The following MATCAP2 variants were observed in gnomAD, a reference collection of about 807,000 sequenced individuals.
The protein encoded by MATCAP2 is microtubule associated tyrosine carboxypeptidase 2, also known as putative tyrosine carboxypeptidase MATCAP2.
chr7:36,378,785 C>T, the MATCAP2 span, among the ~76,000 whole-genome samples: 1 of 152,202 alleles, frequency 6.6e-6, no homozygotes, highest in African/African-American at 2.4e-5. Flanking sequence ...GCTTTGTTTA[C>T]CTACTCAAGA....
At chr7:36,370,512 C>CT in the MATCAP2 span, among the ~76,000 whole-genome samples, 10 of 151,882 alleles carry the variant, frequency 6.6e-5, no homozygotes, top group East Asian at 3.8e-4. Context: ...GAGTTTCGCT[C>CT]TTTTTTTTGC....
the MATCAP2 span, among the ~76,000 whole-genome samples, chr7:36,361,075 T>C: frequency 1.3e-5 from 2 of 152,312 alleles, no homozygotes; most frequent in South Asian, 4.1e-4. Context: ...ATAATATTTG[T>C]ACATTAAAAT....
the MATCAP2 span, chr7:36,390,078 C>A: frequency 2.5e-6 from 4 of 1,612,952 alleles, no homozygotes; most frequent in Non-Finnish European, 3.4e-6. Context: ...CAGCCATGAC[C>A]CACCGCTCTA....
the MATCAP2 span, among the ~76,000 whole-genome samples, chr7:36,342,495 C>T: frequency 6.6e-5 from 10 of 152,142 alleles, no homozygotes; most frequent in Admixed American, 3.3e-4. Flanking sequence ...GGAGCCTGGA[C>T]CAGGAAGCTT....
chr7:36,360,402 C>T, the MATCAP2 span, among the ~76,000 whole-genome samples: 1 of 152,116 alleles, frequency 6.6e-6, no homozygotes, highest in Non-Finnish European at 1.5e-5. Context: ...AACCTCTCTC[C>T]CCAGGAATTA....
the MATCAP2 span, among the ~76,000 whole-genome samples, chr7:36,367,534 A>G: frequency 1.3e-5 from 2 of 152,202 alleles, no homozygotes; most frequent in African/African-American, 4.8e-5. Flanking sequence ...TAGCAAAGCC[A>G]GTCTACCCGT....
At chr7:36,367,332 G>A in the MATCAP2 span, 1 of 1,001,052 alleles carries the variant, frequency 1.0e-6, no homozygotes, top group Non-Finnish European at 1.2e-6. Context: ...GCGAGAGAGA[G>A]TGGGAGGAAC....
chr7:36,349,275 A>G, the MATCAP2 span, among the ~76,000 whole-genome samples: 5 of 152,234 alleles, frequency 3.3e-5, no homozygotes, highest in African/African-American at 7.2e-5. Flanking sequence ...TTTGCCAACA[A>G]TCCAGTTTTC....
At chr7:36,329,617 C>A in the MATCAP2 span, among the ~76,000 whole-genome samples, 2 of 152,016 alleles carry the variant, frequency 1.3e-5, no homozygotes, top group Non-Finnish European at 2.9e-5. Flanking sequence ...TAAAGTAAGT[C>A]CAATTAAGTC....
the MATCAP2 span, among the ~76,000 whole-genome samples, chr7:36,387,029 C>T: frequency 6.6e-6 from 1 of 151,968 alleles, no homozygotes; most frequent in South Asian, 2.1e-4. Flanking sequence ...ACATAAATTA[C>T]AAGTATATTT....
chr7:36,354,949 C>G, the MATCAP2 span, among the ~76,000 whole-genome samples: 1 of 152,158 alleles, frequency 6.6e-6, no homozygotes, highest in African/African-American at 2.4e-5. Context: ...CCAGAGAAAT[C>G]AAAGAGCATT....
chr7:36,389,792 C>T, the MATCAP2 span: 1 of 729,172 alleles, frequency 1.4e-6, no homozygotes, highest in African/African-American at 1.8e-5. Flanking sequence ...GGAGAGGGCG[C>T]CCCGGCTCCG....
At chr7:36,364,678 A>C in the MATCAP2 span, among the ~76,000 whole-genome samples, 6 of 152,334 alleles carry the variant, frequency 3.9e-5, no homozygotes, top group East Asian at 9.6e-4. Context: ...CATCTCAGAT[A>C]TCAATGAATC....
chr7:36,389,741 C>T, the MATCAP2 span: 4 of 384,686 alleles, frequency 1.0e-5, no homozygotes, highest in South Asian at 2.4e-4. Context: ...CCCTGGGAAC[C>T]ACCCGGCCCG....
chr7:36,335,105 G>A, the MATCAP2 span: 3 of 1,613,894 alleles, frequency 1.9e-6, no homozygotes, highest in South Asian at 3.3e-5. Flanking sequence ...CACATTGATA[G>A]TCAGAGTCGG....
At chr7:36,361,356 C>G in the MATCAP2 span, among the ~76,000 whole-genome samples, 2 of 152,178 alleles carry the variant, frequency 1.3e-5, no homozygotes, top group Non-Finnish European at 2.9e-5. Context: ...ATCAGGAGGT[C>G]TCTGGCTGAA....
At chr7:36,382,554 G>A in the MATCAP2 span, among the ~76,000 whole-genome samples, 6 of 151,738 alleles carry the variant, frequency 4.0e-5, no homozygotes, top group African/African-American at 7.3e-5. Context: ...GTGCAGTGGC[G>A]TGATCTCGGC....
the MATCAP2 span, among the ~76,000 whole-genome samples, chr7:36,337,124 A>AAAAAAAAAAAAAAAAAAAG: frequency 6.9e-6 from 1 of 145,212 alleles, no homozygotes; most frequent in Non-Finnish European, 1.5e-5. Flanking sequence ...AAAAAAAAAA[A>AAAAAAAAAAAAAAAAAAAG]AGCAATCAGT....
the MATCAP2 span, chr7:36,366,681 G>A: frequency 6.5e-7 from 1 of 1,533,490 alleles, no homozygotes; most frequent in African/African-American, 1.4e-5. Context: ...TCTTTTCCAC[G>A]AGATTCCACA....
Sources: allele counts gnomAD v4.1 joint callset (sites outside exome capture counted in the v4.1 genomes callset), GRCh38; gene constraint gnomAD v4.1.1; transcripts MANE v1.5; gene names NCBI Gene and HGNC (gene_info 2026-07-23, HGNC 2026-07-21).